Variants in TBCK observed in about 807,000 individuals in gnomAD.
TBCK encodes TBC domain-containing protein kinase-like protein.
A neutral mutation model predicts 113.4 loss-of-function variants in TBCK; 99 were observed. The ratio of observed to expected loss-of-function variants is 0.87; its 90% CI spans 0.74 to 1.03. The LOEUF (loss-of-function observed/expected upper bound fraction) is 1.03, where lower values mean the gene tolerates loss of function less well. TBCK is among the 50% of genes least tolerant of loss of function. The probability of loss-of-function intolerance (pLI) is 0.00; values close to 1 mark genes in which losing one functional copy is unlikely to be tolerated. For synonymous variants in TBCK, 369 were observed against 370.8 expected, an observed-to-expected ratio of 1.00 and a Z score of 0.05; for missense variants, 1,045 against 1,061.3, an observed-to-expected ratio of 0.98 and a Z score of 0.21.
intron 12 of TBCK, among the ~76,000 whole-genome samples, chr4:106,238,963 C>A (rs1033193269): frequency 1.3e-5 from 2 of 152,082 alleles, no homozygotes; most frequent in African/African-American, 4.8e-5. Flanking sequence ...TGAGATTAAC[C>A]TCTGCAGGTC....
chr4:106,088,597 G>GTATA (rs1739791413), intron 25 of TBCK, among the ~76,000 whole-genome samples: 1 of 152,064 alleles, frequency 6.6e-6, no homozygotes, highest in African/African-American at 2.4e-5. Context: ...CCACTACTGG[G>GTATA]TATATACCCA....
At chr4:106,229,019 G>A (rs972085364) in intron 19 of TBCK, among the ~76,000 whole-genome samples, 5 of 152,020 alleles carry the variant, frequency 3.3e-5, no homozygotes, top group African/African-American at 1.2e-4. Context: ...CTTTTCAGAA[G>A]CCTGTTTGCC....
chr4:106,254,231 G>A (rs1235268717), intron 5 of TBCK, among the ~76,000 whole-genome samples: 1 of 152,172 alleles, frequency 6.6e-6, no homozygotes, highest in East Asian at 1.9e-4. Context: ...AGGAAAGCAA[G>A]TGTTCAGCAT....
chr4:106,210,294 T>A (rs913005013), intron 20 of TBCK, among the ~76,000 whole-genome samples: 1 of 152,190 alleles, frequency 6.6e-6, no homozygotes, highest in African/African-American at 2.4e-5. Flanking sequence ...CCACTACATA[T>A]GCAGGTATCA....
chr4:106,221,312 T>C (rs1757652315), intron 19 of TBCK, among the ~76,000 whole-genome samples: 1 of 152,202 alleles, frequency 6.6e-6, no homozygotes, highest in Admixed American at 6.5e-5. Context: ...TTATATGTTA[T>C]AACTGCATAT....
intron 25 of TBCK, among the ~76,000 whole-genome samples, chr4:106,090,261 A>G (rs1024793202): frequency 6.6e-6 from 1 of 152,158 alleles, no homozygotes; most frequent in African/African-American, 2.4e-5. Context: ...CCTGAGCTTT[A>G]CCTTGGCCCA....
chr4:106,313,525 T>A (rs900461714), intron 1 of TBCK, among the ~76,000 whole-genome samples: 1 of 152,254 alleles, frequency 6.6e-6, no homozygotes, highest in Non-Finnish European at 1.5e-5. Flanking sequence ...ACCTTTCACT[T>A]GCCTTTTGTG....
At chr4:106,278,824 C>T (rs1225583558) in intron 3 of TBCK, among the ~76,000 whole-genome samples, 2 of 151,728 alleles carry the variant, frequency 1.3e-5, no homozygotes, top group East Asian at 1.9e-4. Context: ...ACTCATAAAA[C>T]ACTATAAATT....
At chr4:106,086,152 CT>C (rs966097999) in intron 25 of TBCK, among the ~76,000 whole-genome samples, 1 of 151,622 alleles carries the variant, frequency 6.6e-6, no homozygotes, top group East Asian at 1.9e-4. Flanking sequence ...AATCCAGGAG[CT>C]TTTTTTTGAA....
intron 22 of TBCK, among the ~76,000 whole-genome samples, chr4:106,191,735 T>C (rs1410384591): frequency 1.3e-5 from 2 of 152,140 alleles, no homozygotes; most frequent in Admixed American, 6.5e-5. Flanking sequence ...AATTATTTCA[T>C]GGAAAGATGA....
intron 22 of TBCK, among the ~76,000 whole-genome samples, chr4:106,192,021 C>T (rs948946655): frequency 4.2e-4 from 64 of 152,148 alleles, no homozygotes; most frequent in African/African-American, 1.5e-3. Context: ...AAACTTTATT[C>T]TAATCTTATA....
intron 21 of TBCK, 59 bp downstream of exon 21, chr4:106,194,659 G>T: frequency 7.9e-7 from 1 of 1,262,174 alleles, no homozygotes; most frequent in African/African-American, 1.5e-5. Flanking sequence ...ATATGGGGAG[G>T]CATCGGGCTG....
intron 25 of TBCK, among the ~76,000 whole-genome samples, chr4:106,080,800 C>T (rs1159860086): frequency 1.3e-5 from 2 of 151,880 alleles, no homozygotes; most frequent in Admixed American, 6.6e-5. Context: ...TATCCAGAGA[C>T]TATAAGGAAC....
intron 23 of TBCK, among the ~76,000 whole-genome samples, chr4:106,167,833 C>A (rs1457170101): frequency 6.6e-6 from 1 of 151,650 alleles, no homozygotes; most frequent in Non-Finnish European, 1.5e-5. Context: ...AATAGGCCTG[C>A]ATCTATTAAA....
At chr4:106,266,716 A>G (rs1384907501) in intron 3 of TBCK, among the ~76,000 whole-genome samples, 2 of 151,904 alleles carry the variant, frequency 1.3e-5, no homozygotes, top group African/African-American at 2.4e-5. Context: ...TATTCTCAGA[A>G]TTTGATTTTT....
intron 3 of TBCK, among the ~76,000 whole-genome samples, chr4:106,281,994 G>T (rs763028124): frequency 1.3e-5 from 2 of 152,006 alleles, no homozygotes; most frequent in Non-Finnish European, 2.9e-5. Flanking sequence ...AACTTTTCTG[G>T]AAAAGTTTGG....
intron 25 of TBCK, among the ~76,000 whole-genome samples, chr4:106,065,196 T>C (rs1736502319): frequency 6.6e-6 from 1 of 152,028 alleles, no homozygotes; most frequent in African/African-American, 2.4e-5. Flanking sequence ...TATGGTAGAC[T>C]AGCTCTCCCT....
chr4:106,131,518 CAGG>C (rs1745924128), intron 23 of TBCK, among the ~76,000 whole-genome samples: 1 of 152,180 alleles, frequency 6.6e-6, no homozygotes, highest in South Asian at 2.1e-4. Context: ...GAGGCTGAGG[CAGG>C]AGAATTGCTT....
Position 106,247,276 on chromosome 4 carries a change from T to C in TBCK, c.794A>G (p.Asp265Gly). 1 of 1,611,722 alleles carries C rather than the reference T, an allele frequency of 6.2e-7. No homozygotes were observed. The highest frequency in any genetic ancestry group is 8.5e-7 in the Non-Finnish European group (1 of 1,178,432). ...GAATACTTTGTCCTTCATTAATTGA[T>C]CTGGGGTTGGCCTTGAGAACATTTA... is the stretch of plus-strand genomic sequence containing the variant. ...TFHPSKRPTP[D>G]QLMKDKVFSE... Residue 265 changes from aspartate to glycine, a missense_variant, in exon 10 of 26, where the codon GAT (aspartate) becomes GGT (glycine). By Grantham distance (94) the Asp-to-Gly change is moderately conservative. Transcript: ENST00000394708.
Sources: allele counts gnomAD v4.1 joint callset (sites outside exome capture counted in the v4.1 genomes callset), GRCh38; gene constraint gnomAD v4.1.1; transcripts MANE v1.5; gene names NCBI Gene and HGNC (gene_info 2026-07-23, HGNC 2026-07-21).